The following PDCL2 variants were observed in gnomAD, a reference collection of about 807,000 sequenced individuals.
The protein encoded by PDCL2 is phosducin-like protein 2.
In PDCL2, 23 loss-of-function variants were observed where a neutral mutation model predicts 30.3. That is an observed-to-expected ratio of 0.76 (90% CI 0.55 to 1.08). The LOEUF is 1.08. Ranked by LOEUF, PDCL2 falls within the 50% of genes least tolerant of loss-of-function variation. The pLI is 0.00. For missense variants in PDCL2, 243 were observed against 282.3 expected (o/e 0.86, Z 1.00); for synonymous variants, 68 against 86.2 (o/e 0.79, Z 1.17).
intron 1 of PDCL2, among the ~76,000 whole-genome samples, chr4:55,587,216 T>TGAAAAAAAAAAAAAAAAAAAAAAAAA (rs1732884389): frequency 3.2e-5 from 2 of 62,820 alleles, no homozygotes; most frequent in African/African-American, 1.5e-4. Context: ...GACAGAATAG[T>TGAAAAAAAAAAAAAAAAAAAAAAAAA]AAAAAAAAAA....
At chr4:55,568,992 T>G (rs1183273891) in intron 4 of PDCL2, among the ~76,000 whole-genome samples, 1 of 152,202 alleles carries the variant, frequency 6.6e-6, no homozygotes, top group Non-Finnish European at 1.5e-5. Flanking sequence ...CCCTTTCTGT[T>G]GTCTTATCAA....
chr4:55,565,611 G>A (rs896526062), intron 4 of PDCL2, among the ~76,000 whole-genome samples: 1 of 152,126 alleles, frequency 6.6e-6, no homozygotes, highest in African/African-American at 2.4e-5. Context: ...ACAAATGGGG[G>A]TTATGGGAAA....
intron 5 of PDCL2, among the ~76,000 whole-genome samples, chr4:55,561,053 C>T (rs12500456): frequency 0.3 from 46,073 of 151,872 alleles, 7,600 homozygotes; most frequent in East Asian, 0.58. Context: ...TGAATGCTTA[C>T]TATATTATTA....
intron 5 of PDCL2, among the ~76,000 whole-genome samples, chr4:55,559,959 G>A (rs1471663211): frequency 6.6e-6 from 1 of 152,156 alleles, no homozygotes; most frequent in Non-Finnish European, 1.5e-5. Context: ...AAAGGTGATT[G>A]CCTGGGCTGA....
chr4:55,556,762 T>G (rs1731979044), intron 5 of PDCL2, 51 bp from the exon 6 acceptor site: 1 of 1,384,182 alleles, frequency 7.2e-7, no homozygotes, highest in East Asian at 2.7e-5. Flanking sequence ...AAATGAATAA[T>G]TTTTCATCTA....
intron 4 of PDCL2, among the ~76,000 whole-genome samples, chr4:55,567,878 A>G (rs1421360194): frequency 6.6e-6 from 1 of 152,154 alleles, no homozygotes; most frequent in Non-Finnish European, 1.5e-5. Context: ...TAAACTCTTT[A>G]AATTATATTT....
intron 4 of PDCL2, among the ~76,000 whole-genome samples, chr4:55,567,377 T>A (rs951295442): frequency 6.6e-6 from 1 of 151,800 alleles, no homozygotes; most frequent in African/African-American, 2.4e-5. Flanking sequence ...TACAAAAAAA[T>A]TTTAAAACCT....
At chr4:55,586,298 T>C (rs1222838485) in intron 1 of PDCL2, among the ~76,000 whole-genome samples, 1 of 152,222 alleles carries the variant, frequency 6.6e-6, no homozygotes, top group Non-Finnish European at 1.5e-5. Context: ...ATTTCTGTAA[T>C]AGAAAAACTG....
chr4:55,592,155 G>A lies in PDCL2; in HGVS notation c.-46C>T. ...AAGAGCCCGCGTCGTCCTGCAGCTGGCGAGGCGCCACGGATGGAGACCCGC... is the reference window on the plus strand; with the variant it reads ...AAGAGCCCGCGTCGTCCTGCAGCTGACGAGGCGCCACGGATGGAGACCCGC... On this transcript the variant is annotated 5_prime_UTR_variant, in exon 1 of 6. Coordinates refer to ENST00000295645, the MANE Select transcript of PDCL2 (RefSeq NM_152401.3). 2 of 1,603,650 alleles carry A rather than the reference G, an allele frequency of 1.2e-6. No homozygotes were observed. Among genetic ancestry groups the A allele is most frequent in the Non-Finnish European group, 1.7e-6 (2 of 1,175,748 alleles).
chr4:55,565,733 T>C (rs1577906922), intron 4 of PDCL2, among the ~76,000 whole-genome samples: 1 of 152,160 alleles, frequency 6.6e-6, no homozygotes, highest in East Asian at 1.9e-4. Flanking sequence ...TCTGTGGTCC[T>C]TGAAAAACCT....
intron 3 of PDCL2, among the ~76,000 whole-genome samples, chr4:55,571,101 G>C (rs931864568): frequency 6.6e-6 from 1 of 152,032 alleles, no homozygotes; most frequent in Non-Finnish European, 1.5e-5. Context: ...CAAACAACTA[G>C]AGATAGCCTC....
At chr4:55,591,982 C>G (rs1718849483) in intron 1 of PDCL2, 122 bp downstream of exon 1, 3 of 1,382,762 alleles carry the variant, frequency 2.2e-6, no homozygotes, top group Non-Finnish European at 2.9e-6. Flanking sequence ...TTAGCACTTT[C>G]CAAGAACAAA....
intron 3 of PDCL2, 77 bp from the exon 4 acceptor site, chr4:55,569,938 T>G: frequency 9.0e-7 from 1 of 1,105,840 alleles, no homozygotes; most frequent in South Asian, 2.1e-5. Context: ...AATAACAATT[T>G]AGGGCAATGA....
intron 3 of PDCL2, among the ~76,000 whole-genome samples, chr4:55,579,934 C>T (rs981624450): frequency 7.2e-5 from 11 of 152,062 alleles, no homozygotes; most frequent in Admixed American, 5.9e-4. Context: ...ACAACCTCTG[C>T]CCCACCGGGT....
At position 55,556,684 on chromosome 4, in the gene PDCL2, C is replaced by T; in HGVS notation, c.599G>A (p.Gly200Glu). The change falls in exon 6 of 6, where the codon GGA becomes GAA. Residue 200 changes from glycine to glutamate, a missense_variant. Coordinates refer to ENST00000295645, the MANE Select transcript of PDCL2 (RefSeq NM_152401.3). ...TTCTTCCAAATCAGTCTGTATTGCT[C>T]CAACTTCTGCTAGCTTCCATTCAAG... ...EELEWKLAEVGAIQTDLEENP... is the reference protein window; with the variant it reads ...EELEWKLAEVEAIQTDLEENP... The T allele has an allele frequency of 6.4e-7, 1 of 1,560,864 alleles. No individual in the cohort carries two copies. The highest frequency in any genetic ancestry group is 1.4e-5 in the African/African-American group (1 of 73,976).
chr4:55,564,956 T>C (rs1211211362), intron 4 of PDCL2, among the ~76,000 whole-genome samples: 1 of 152,136 alleles, frequency 6.6e-6, no homozygotes, highest in Non-Finnish European at 1.5e-5. Context: ...CCAAGCTAAC[T>C]CTGGGAGAAT....
chr4:55,564,643 T>A (rs1188633013), intron 4 of PDCL2, among the ~76,000 whole-genome samples: 2 of 152,182 alleles, frequency 1.3e-5, no homozygotes, highest in Non-Finnish European at 2.9e-5. Context: ...TTGGGCTTAC[T>A]GGCCCAGGTT....
intron 2 of PDCL2, among the ~76,000 whole-genome samples, chr4:55,581,250 G>A (rs562754119): frequency 9.2e-5 from 14 of 152,028 alleles, no homozygotes; most frequent in African/African-American, 2.9e-4. Context: ...AGCTGAGATC[G>A]CACCACTGCA....
intron 5 of PDCL2, 149 bp downstream of exon 5, chr4:55,562,254 AT>A: frequency 2.2e-6 from 1 of 445,560 alleles, no homozygotes; most frequent in Non-Finnish European, 3.9e-6. Context: ...TTATTAGAGT[AT>A]TACTATAGGA....
Sources: allele counts gnomAD v4.1 joint callset (sites outside exome capture counted in the v4.1 genomes callset), GRCh38; gene constraint gnomAD v4.1.1; transcripts MANE v1.5; gene names NCBI Gene and HGNC (gene_info 2026-07-23, HGNC 2026-07-21).